OSBP2: variants seen among roughly 807,000 people sequenced by gnomAD.
The protein encoded by OSBP2 is oxysterol binding protein 2, also known as oxysterol-binding protein 2.
In OSBP2, 66 loss-of-function variants were observed where a neutral mutation model predicts 96.0. That is an observed-to-expected ratio of 0.69 (90% CI 0.56 to 0.84). OSBP2 has a LOEUF of 0.84. OSBP2 is among the 40% of genes least tolerant of loss of function. The probability of loss-of-function intolerance (pLI) is 0.00; values close to 1 mark genes in which losing one functional copy is unlikely to be tolerated. For missense variants in OSBP2, 1,038 were observed against 1,222.7 expected, an observed-to-expected ratio of 0.85 and a Z score of 2.25; for synonymous variants, 525 against 520.9, an observed-to-expected ratio of 1.01 and a Z score of -0.11.
Position 30,890,939 on chromosome 22 carries a change from TCGA to T in OSBP2, c.1840_1842del (p.Asp614del). ...GGGGAGACCTTCGAGCTGGACCGCC[TCGA>T]CGACATGGGCCTGCGCTCCCTCTGT... On this transcript the variant is annotated inframe_deletion, in exon 8 of 14. Transcript: ENST00000332585. This position sits in a 1 kb window ranked among gnomAD's most constrained non-coding sequence, Gnocchi z 4.4. 6.2e-7 allele frequency: 1 copy of T among 1,611,112 alleles called. No individual in the cohort carries two copies. Among genetic ancestry groups the T allele is most frequent in the South Asian group, 1.1e-5 (1 of 91,082 alleles).
At chr22:30,855,748 A>G (rs1569151813) in intron 2 of OSBP2, among the ~76,000 whole-genome samples, 1 of 152,142 alleles carries the variant, frequency 6.6e-6, no homozygotes, top group South Asian at 2.1e-4. Context: ...AGGGTGACCT[A>G]TTTAAGAGGA....
intron 2 of OSBP2, among the ~76,000 whole-genome samples, chr22:30,860,796 A>G (rs1405207852): frequency 2.0e-5 from 3 of 152,264 alleles, no homozygotes; most frequent in Middle Eastern, 3.4e-3. Context: ...CGGCTGGAGG[A>G]AGCTGTGGGC....
Position 30,730,792 on chromosome 22 carries a change from AT to A in OSBP2, c.645-10368del, listed in dbSNP as rs1465659745. Among the ~76,000 whole-genome samples, 9 of 50,376 alleles carry A rather than the reference AT, an allele frequency of 1.8e-4. 2 individuals carry two copies. Among genetic ancestry groups the A allele is most frequent in the Admixed American group, 7.2e-4 (3 of 4,158 alleles). The allele number at this position is 50,376 out of a possible 152,430, so 33.0% of individuals were successfully genotyped here. A position where few individuals can be genotyped will look rare whatever the true frequency, so the allele number is the denominator to read the frequency against. ...TCTCTCTCTATATATATATATATAT[AT>A]ATATATATATATATAATTTTTTTTT... On this transcript the variant is annotated intron_variant, in intron 1 of 13. Transcript: ENST00000332585.
intron 2 of OSBP2, among the ~76,000 whole-genome samples, chr22:30,750,560 C>T (rs1446146112): frequency 6.6e-6 from 1 of 152,156 alleles, no homozygotes; most frequent in Admixed American, 6.6e-5. Context: ...GGGAATAGGA[C>T]ATGCCTTGTA....
chr22:30,819,072 C>T (rs891670293), intron 2 of OSBP2, among the ~76,000 whole-genome samples: 3 of 152,292 alleles, frequency 2.0e-5, no homozygotes, highest in East Asian at 1.9e-4. Context: ...CTGTGGCTCA[C>T]GCCTGTAATC....
chr22:30,884,054 A>G (rs1490070989), intron 3 of OSBP2, among the ~76,000 whole-genome samples: 1 of 152,098 alleles, frequency 6.6e-6, no homozygotes. Flanking sequence ...CAGGCCCACT[A>G]TGGGGTCTGC....
Position 30,893,943 on chromosome 22 carries a change from C to G in OSBP2, c.2317C>G (p.Gln773Glu). ...SPSSPSSDGK[Q>E]KTVYQTLSAK... ...CAGCAGCCCCAGCTCTGACGGGAAG[C>G]AGAAGACAGTGTACCAGACCCTGTC... The change falls in exon 12 of 14, where the codon CAG becomes GAG. Residue 773 changes from glutamine to glutamate, a missense_variant. Gln to Glu is a conservative substitution (Grantham distance 29). Transcript: ENST00000332585. 1 of 1,599,492 alleles carries G rather than the reference C, an allele frequency of 6.3e-7. No individual in the cohort carries two copies. Among genetic ancestry groups the G allele is most frequent in the South Asian group, 1.1e-5 (1 of 88,502 alleles).
chr22:30,735,410 C>CTTTTTTTTTTTT (rs774749546), intron 1 of OSBP2, among the ~76,000 whole-genome samples: 3 of 100,598 alleles, frequency 3.0e-5, no homozygotes, highest in African/African-American at 4.1e-5. Flanking sequence ...TCTTCTCTCT[C>CTTTTTTTTTTTT]TTTTTTTTTT....
rs2089980925 is a variant in OSBP2 at position 30,745,042 on chromosome 22, T to C, written c.853+3673T>C. On this transcript the variant is annotated intron_variant, in intron 2 of 13. Coordinates refer to ENST00000332585, the MANE Select transcript of OSBP2 (RefSeq NM_030758.4). ...GGTAACACTAGAAAATGCATGGAAG[T>C]TAAACAACATACTCTTAAACAATGA... 1.3e-5 allele frequency among the ~76,000 whole-genome samples: 2 copies of C among 152,078 alleles called. 1 individual carries two copies. The highest frequency in any genetic ancestry group is 4.1e-4 in the South Asian group (2 of 4,822).
chr22:30,854,148 G>C (rs2039032524), intron 2 of OSBP2, among the ~76,000 whole-genome samples: 1 of 152,022 alleles, frequency 6.6e-6, no homozygotes, highest in Non-Finnish European at 1.5e-5. Flanking sequence ...CACCACTTCA[G>C]CTGAAACCTA....
intron 2 of OSBP2, among the ~76,000 whole-genome samples, chr22:30,831,853 G>A (rs779179841): frequency 2.0e-5 from 3 of 152,164 alleles, no homozygotes; most frequent in South Asian, 2.1e-4. Flanking sequence ...TCCTGCTGCT[G>A]TGATCAGCAC....
At chr22:30,857,015 C>T (rs2039092470) in intron 2 of OSBP2, among the ~76,000 whole-genome samples, 1 of 152,202 alleles carries the variant, frequency 6.6e-6, no homozygotes, top group African/African-American at 2.4e-5. Flanking sequence ...TAAGCAACTT[C>T]CTTCCTGAAT....
At chr22:30,830,717 T>C (rs1296032267) in intron 2 of OSBP2, among the ~76,000 whole-genome samples, 1 of 152,242 alleles carries the variant, frequency 6.6e-6, no homozygotes, top group Non-Finnish European at 1.5e-5. Flanking sequence ...TTCTGTGCCC[T>C]AGGCATTCAT....
chr22:30,694,090 C>T (rs572759413), upstream of OSBP2: 151 of 1,550,300 alleles, frequency 9.7e-5, no homozygotes, highest in African/African-American at 1.7e-3. Context: ...TCTGCGGAAG[C>T]CTCACAGACT....
intron 2 of OSBP2, among the ~76,000 whole-genome samples, chr22:30,759,862 C>A (rs1380751277): frequency 2.0e-5 from 3 of 151,842 alleles, no homozygotes; most frequent in Non-Finnish European, 4.4e-5. Context: ...TTTAATTTTT[C>A]TTTTCTTTTT....
chr22:30,890,943 C>A lies in OSBP2; in HGVS notation c.1839C>A (p.Asp613Glu). The change falls in exon 8 of 14, where the codon GAC becomes GAA. Residue 613 changes from aspartate (D) to glutamate (E), a missense_variant. This residue lies in a region of OSBP2 where 737 missense variants were observed against 913.3 expected (regional missense o/e 0.81). Transcript: ENST00000332585. The surrounding 1 kb of genome is among the most constrained non-coding windows in gnomAD (Gnocchi z 4.4). ...AGACCTTCGAGCTGGACCGCCTCGA[C>A]GACATGGGCCTGCGCTCCCTCTGTG... ...LGETFELDRL[D>E]DMGLRSLCEQ... The A allele has an allele frequency of 6.2e-7, 1 of 1,610,550 alleles. No homozygotes were observed. Among genetic ancestry groups the A allele is most frequent in the Non-Finnish European group, 8.5e-7 (1 of 1,180,008 alleles).
At chr22:30,854,855 A>C (rs749618488) in intron 2 of OSBP2, among the ~76,000 whole-genome samples, 1 of 152,158 alleles carries the variant, frequency 6.6e-6, no homozygotes, top group Non-Finnish European at 1.5e-5. Flanking sequence ...GGTTTAGTTG[A>C]CTCACAGTTC....
intron 2 of OSBP2, among the ~76,000 whole-genome samples, chr22:30,798,051 A>G (rs136279): frequency 0.19 from 28,927 of 151,994 alleles, 2,827 homozygotes; most frequent in Middle Eastern, 0.24. Flanking sequence ...TTATATTCCC[A>G]CCAACGCTGA....
At position 30,870,562 on chromosome 22, in the gene OSBP2, A is replaced by C; in HGVS notation, c.987A>C (p.Ala329=). The change falls in exon 3 of 14, where the codon GCA becomes GCC. Residue 329 remains alanine (A), a synonymous_variant. Transcript: ENST00000332585. The surrounding 1 kb of genome is among the most constrained non-coding windows in gnomAD (Gnocchi z 4.1). ...CNDLIAKHGA[A]LQRSLTELDG... The stretch of plus-strand genomic sequence containing the variant: ...ACCTCATCGCCAAGCACGGCGCTGC[A>C]CTCCAGCGCTCCCTGACAGAGCTGG... The C allele has an allele frequency of 6.2e-7, 1 of 1,613,760 alleles. No individual in the cohort carries two copies. Among genetic ancestry groups the C allele is most frequent in the African/African-American group, 1.3e-5 (1 of 74,944 alleles).
Sources: gnomAD v4.1 joint callset for allele counts (sites outside exome capture counted in the v4.1 genomes callset) on GRCh38, gnomAD v4.1.1 for gene constraint, gnomAD v4.1.1 regional missense constraint, Gnocchi (gnomAD v3.1) non-coding constraint, MANE v1.5 for transcripts, NCBI Gene and HGNC (gene_info 2026-07-23, HGNC 2026-07-21) for gene names.